Variants in ZDHHC3 observed in about 807,000 individuals in gnomAD.
ZDHHC3 encodes the protein palmitoyltransferase ZDHHC3.
In ZDHHC3, 9 loss-of-function variants were observed where a neutral mutation model predicts 30.6. The ratio of observed to expected loss-of-function variants is 0.29; its 90% CI spans 0.18 to 0.51. The LOEUF (loss-of-function observed/expected upper bound fraction) is 0.51. Ranked by LOEUF, ZDHHC3 falls within the 20% of genes least tolerant of loss-of-function variation. The pLI is 0.97. For synonymous variants in ZDHHC3, 136 were observed against 140.2 expected (o/e 0.97, Z 0.21); for missense variants, 246 against 384.2 (o/e 0.64, Z 3.01).
intron 2 of ZDHHC3, among the ~76,000 whole-genome samples, chr3:44,946,109 T>A (rs879104144): frequency 6.6e-6 from 1 of 152,228 alleles, no homozygotes; most frequent in Admixed American, 6.5e-5. Flanking sequence ...AATGGGTTGT[T>A]TGCTGGGATT....
chr3:44,949,307 A>G (rs185196759), intron 2 of ZDHHC3, among the ~76,000 whole-genome samples: 13 of 152,120 alleles, frequency 8.5e-5, no homozygotes, highest in Admixed American at 4.6e-4. Context: ...GATTTTATAT[A>G]CATATACACA....
chr3:44,955,665 G>T (rs779017194), intron 2 of ZDHHC3, among the ~76,000 whole-genome samples: 5 of 151,920 alleles, frequency 3.3e-5, no homozygotes, highest in Non-Finnish European at 7.4e-5. Context: ...AAAAAAAGAC[G>T]ACTGCAATAT....
chr3:44,919,279 C>T lies in ZDHHC3; in HGVS notation c.*7410G>A, dbSNP rs953383456. The T allele has an allele frequency of 3.6e-5, 8 of 221,404 alleles. No homozygotes were observed. The highest frequency in any genetic ancestry group is 4.7e-5 in the African/African-American group (2 of 42,458). The allele number at this position is 221,404 out of a possible 1,614,324, so 13.7% of individuals were successfully genotyped here. A position where few individuals can be genotyped will look rare whatever the true frequency, so the allele number is the denominator to read the frequency against. ...TATCAACACCATATGCCTCCTGATA[C>T]GGTGCAACGAGGACACATTGCTTCA... On this transcript the variant is annotated 3_prime_UTR_variant, in exon 7 of 7. Coordinates refer to ENST00000424952, the MANE Select transcript of ZDHHC3 (RefSeq NM_001135179.2).
rs941386284 is a variant in ZDHHC3, at chr3:44,925,606, A to G, written c.*1083T>C. 2.0e-6 allele frequency: 2 copies of G among 985,362 alleles called. No individual in the cohort carries two copies. The highest frequency in any genetic ancestry group is 6.1e-5 in the Admixed American group (1 of 16,268). The allele number at this position is 985,362 out of a possible 1,614,324, so 61.0% of individuals were successfully genotyped here. ...GGGATGGCCATATGTCAACTTTGAAAGGGTGGGGACTGTGAGGTAACCCCA... is the reference window on the plus strand; with the variant it reads ...GGGATGGCCATATGTCAACTTTGAAGGGGTGGGGACTGTGAGGTAACCCCA... On this transcript the variant is annotated 3_prime_UTR_variant, in exon 7 of 7. Coordinates refer to ENST00000424952, the MANE Select transcript of ZDHHC3 (RefSeq NM_001135179.2).
chr3:44,973,780 T>C (rs929598267), intron 1 of ZDHHC3, among the ~76,000 whole-genome samples: 2 of 152,232 alleles, frequency 1.3e-5, no homozygotes, highest in African/African-American at 2.4e-5. Flanking sequence ...ATAAAGTGCT[T>C]AGAACAATGC....
chr3:44,955,929 G>C (rs1396831829), intron 2 of ZDHHC3, among the ~76,000 whole-genome samples: 1 of 152,180 alleles, frequency 6.6e-6, no homozygotes, highest in African/African-American at 2.4e-5. Context: ...GTAGATATTT[G>C]ACAAATTCTT....
intron 1 of ZDHHC3, among the ~76,000 whole-genome samples, chr3:44,962,808 G>A (rs996861102): frequency 6.6e-6 from 1 of 152,054 alleles, no homozygotes; most frequent in African/African-American, 2.4e-5. Flanking sequence ...CTGTGTCTAC[G>A]GTCACCAGTC....
intron 2 of ZDHHC3, chr3:44,958,676 G>C: frequency 6.5e-7 from 1 of 1,536,094 alleles, no homozygotes; most frequent in Non-Finnish European, 8.7e-7. Flanking sequence ...GGCCATTTCC[G>C]TGCAGGTTCC....
Position 44,924,443 on chromosome 3 carries a change from A to G in ZDHHC3, c.*2246T>C. 1 of 985,480 alleles carries G rather than the reference A, an allele frequency of 1.0e-6. No homozygotes were observed. The highest frequency in any genetic ancestry group is 1.2e-6 in the Non-Finnish European group (1 of 829,934). 61.0% of individuals were successfully genotyped at this position (985,480 alleles called of 1,614,324 possible). A position where few individuals can be genotyped will look rare whatever the true frequency, so the allele number is the denominator to read the frequency against. ...GAGCTCAGAAACATTGACTCTTTCT[A>G]GCCAAGGCCTATACAAAACCAGAGG... On this transcript the variant is annotated 3_prime_UTR_variant, in exon 7 of 7. Transcript: ENST00000424952.
chr3:44,934,108 G>A (rs1575805757), intron 3 of ZDHHC3, 124 bp from the exon 4 acceptor site: 1 of 898,862 alleles, frequency 1.1e-6, no homozygotes, highest in Non-Finnish European at 1.8e-6. Context: ...CACTGCCAGG[G>A]GTTTTGCTGG....
At chr3:44,944,335 A>G (rs1210608758) in intron 3 of ZDHHC3, among the ~76,000 whole-genome samples, 1 of 152,080 alleles carries the variant, frequency 6.6e-6, no homozygotes, top group Non-Finnish European at 1.5e-5. Flanking sequence ...TAGTAAAGAC[A>G]GAGTTTCTCC....
At chr3:44,934,682 A>C (rs1701794788) in intron 3 of ZDHHC3, among the ~76,000 whole-genome samples, 1 of 151,808 alleles carries the variant, frequency 6.6e-6, no homozygotes, top group African/African-American at 2.4e-5. Flanking sequence ...ATCTGAGGTC[A>C]GGAGTTTAAG....
rs1700782523 is a variant in ZDHHC3, at chr3:44,923,819, G to A, written c.*2870C>T. 3 of 985,364 alleles carry A rather than the reference G, an allele frequency of 3.0e-6. No individual in the cohort carries two copies. Among genetic ancestry groups the A allele is most frequent in the Admixed American group, 1.2e-4 (2 of 16,286 alleles). The allele number at this position is 985,364 out of a possible 1,614,324, so 61.0% of individuals were successfully genotyped here. On this transcript the variant is annotated 3_prime_UTR_variant, in exon 7 of 7. Coordinates refer to ENST00000424952, the MANE Select transcript of ZDHHC3 (RefSeq NM_001135179.2). ...CCTTGTCTCAAACAAAAAAGAGGAA[G>A]TACAGTATGAAGAAGACAAAATGGT...
chr3:44,948,521 C>T lies in ZDHHC3; in HGVS notation c.307-3229G>A, dbSNP rs75119529. ...GAACACTGTGGGAAGTACAAAGAAGCGATGGGAGCCCAGGCCTCATACAGC... is the reference window on the plus strand; with the variant it reads ...GAACACTGTGGGAAGTACAAAGAAGTGATGGGAGCCCAGGCCTCATACAGC... On this transcript the variant is annotated intron_variant, in intron 2 of 6. Coordinates refer to ENST00000424952, the MANE Select transcript of ZDHHC3 (RefSeq NM_001135179.2). Among the ~76,000 whole-genome samples the T allele has an allele frequency of 4.9e-3, 740 of 152,312 alleles. 5 individuals carry two copies. The highest frequency in any genetic ancestry group is 0.017 in the African/African-American group (710 of 41,572).
At chr3:44,948,030 CCT>C (rs575602071) in intron 2 of ZDHHC3, among the ~76,000 whole-genome samples, 62 of 152,302 alleles carry the variant, frequency 4.1e-4, no homozygotes, top group African/African-American at 1.4e-3. Flanking sequence ...CTCCATGACC[CCT>C]GTGTCAGGTC....
At chr3:44,934,893 C>CAAAAAAAA (rs886501187) in intron 3 of ZDHHC3, among the ~76,000 whole-genome samples, 17 of 60,082 alleles carry the variant, frequency 2.8e-4, no homozygotes, top group Non-Finnish European at 5.3e-4. Flanking sequence ...ACTCTGTCTC[C>CAAAAAAAA]AAAAAAAAAA....
rs918051514 is a variant in ZDHHC3, at chr3:44,924,159, C to G, written c.*2530G>C. 2.0e-6 allele frequency: 2 copies of G among 985,286 alleles called. No homozygotes were observed. The highest frequency in any genetic ancestry group is 3.5e-5 in the African/African-American group (2 of 57,234). The allele number at this position is 985,286 out of a possible 1,614,324, so 61.0% of individuals were successfully genotyped here. On this transcript the variant is annotated 3_prime_UTR_variant, in exon 7 of 7. Transcript: ENST00000424952. ...ACAGTACTATCAGAACTCCTGTGAC[C>G]AAGCCAAAAGTTGGGGCTGACTTTG...
At chr3:44,933,014 A>T in intron 5 of ZDHHC3, 104 bp downstream of exon 5, 1 of 1,613,958 alleles carries the variant, frequency 6.2e-7, no homozygotes, top group Admixed American at 1.7e-5. Flanking sequence ...TAATAAAATG[A>T]GGTTGGCCCC....
At chr3:44,970,996 C>A (rs1323068871) in intron 1 of ZDHHC3, among the ~76,000 whole-genome samples, 1 of 152,194 alleles carries the variant, frequency 6.6e-6, no homozygotes, top group Non-Finnish European at 1.5e-5. Flanking sequence ...AAGCCCAAAT[C>A]TTTGGACTAA....
Sources: allele counts gnomAD v4.1 joint callset (sites outside exome capture counted in the v4.1 genomes callset), GRCh38; gene constraint gnomAD v4.1.1; transcripts MANE v1.5; gene names NCBI Gene and HGNC (gene_info 2026-07-23, HGNC 2026-07-21).